GTF2F2: variants seen among roughly 807,000 people sequenced by gnomAD.
GTF2F2 encodes general transcription factor IIF subunit 2.
In GTF2F2, 23 loss-of-function variants were observed where a neutral mutation model predicts 42.2. The ratio of observed to expected loss-of-function variants is 0.55; its 90% confidence interval spans 0.39 to 0.77. GTF2F2 has a LOEUF of 0.77. Ranked by LOEUF, GTF2F2 falls within the 30% of genes least tolerant of loss-of-function variation. The pLI, the probability that GTF2F2 is intolerant of heterozygous loss-of-function variation, is 0.00. For missense variants in GTF2F2, 261 were observed against 287.2 expected (o/e 0.91, Z 0.66); for synonymous variants, 105 against 100.8 (o/e 1.04, Z -0.25).
At chr13:45,267,533 G>T (rs1000777909) in intron 7 of GTF2F2, among the ~76,000 whole-genome samples, 157 bp downstream of exon 7, 1 of 151,944 alleles carries the variant, frequency 6.6e-6, no homozygotes, top group African/African-American at 2.4e-5. Flanking sequence ...AGCCATTTTT[G>T]GTAACATCAG....
chr13:45,204,387 T>C (rs1873336170), intron 4 of GTF2F2, among the ~76,000 whole-genome samples: 1 of 152,204 alleles, frequency 6.6e-6, no homozygotes, highest in African/African-American at 2.4e-5. Flanking sequence ...CAGTAAATAG[T>C]TAAGAAATGT....
At chr13:45,264,618 C>T (rs1876489757) in intron 6 of GTF2F2, among the ~76,000 whole-genome samples, 1 of 152,112 alleles carries the variant, frequency 6.6e-6, no homozygotes, top group Admixed American at 6.6e-5. Flanking sequence ...TTTCTTACTA[C>T]TCATTAATGT....
intron 5 of GTF2F2, among the ~76,000 whole-genome samples, chr13:45,227,475 T>C (rs963696519): frequency 1.3e-5 from 2 of 152,206 alleles, no homozygotes; most frequent in Non-Finnish European, 1.5e-5. Flanking sequence ...CATATACATA[T>C]GTGAAAACAT....
At chr13:45,234,864 G>A (rs9534073) in intron 5 of GTF2F2, among the ~76,000 whole-genome samples, 42,293 of 151,664 alleles carry the variant, frequency 0.28, 6,897 homozygotes, top group African/African-American at 0.43. Context: ...TGACCAACAT[G>A]GAGCAACCCC....
chr13:45,215,577 T>C (rs1278217165), intron 5 of GTF2F2, among the ~76,000 whole-genome samples: 5 of 151,848 alleles, frequency 3.3e-5, no homozygotes. Flanking sequence ...CTGGCCAACA[T>C]GGTGAAACCC....
chr13:45,204,153 T>C (rs561102063), intron 4 of GTF2F2, among the ~76,000 whole-genome samples: 134 of 152,354 alleles, frequency 8.8e-4, no homozygotes, highest in African/African-American at 3.0e-3. Context: ...TTTAAGCTTA[T>C]TTTTAATTGA....
At chr13:45,171,252 G>GT (rs1389188255) in intron 4 of GTF2F2, among the ~76,000 whole-genome samples, 3 of 151,690 alleles carry the variant, frequency 2.0e-5, no homozygotes, top group Non-Finnish European at 4.4e-5. Flanking sequence ...TAACTTTTCT[G>GT]TTTTTTAGTA....
intron 1 of GTF2F2, among the ~76,000 whole-genome samples, chr13:45,129,249 C>T (rs1869209760): frequency 6.6e-6 from 1 of 152,208 alleles, no homozygotes; most frequent in African/African-American, 2.4e-5. Flanking sequence ...TACACTGTCA[C>T]CCAGGCTGGA....
Position 45,212,451 on chromosome 13 carries a change from C to CTTTCTTTTCTTTTCT in GTF2F2, c.386+4953_386+4954insTCTTTTCTTTTCTTT, listed in dbSNP as rs774118000. Among the ~76,000 whole-genome samples, 114 of 71,706 alleles carry CTTTCTTTTCTTTTCT rather than the reference C, an allele frequency of 1.6e-3. 2 individuals are homozygous for CTTTCTTTTCTTTTCT. Among genetic ancestry groups the CTTTCTTTTCTTTTCT allele is most frequent in the Non-Finnish European group, 2.2e-3 (78 of 35,090 alleles). The allele number at this position is 71,706 out of a possible 152,430, so 47.0% of individuals were successfully genotyped here. A position where few individuals can be genotyped will look rare whatever the true frequency, so the allele number is the denominator to read the frequency against. ...TTCTTTCTTTCTTTCTTTCTTGTTT[C>CTTTCTTTTCTTTTCT]TTTCTTTCTTTCTTTCTTTCTTTCT... On this transcript the variant is annotated intron_variant, in intron 5 of 7. Coordinates refer to ENST00000340473, the MANE Select transcript of GTF2F2 (RefSeq NM_004128.3).
At chr13:45,156,289 A>G (rs1264097891) in intron 4 of GTF2F2, among the ~76,000 whole-genome samples, 1 of 152,234 alleles carries the variant, frequency 6.6e-6, no homozygotes, top group Non-Finnish European at 1.5e-5. Context: ...AAGCATGTGT[A>G]CTTTGCCTGA....
At chr13:45,192,732 A>T (rs1489093897) in intron 4 of GTF2F2, 1 of 152,228 alleles carries the variant, frequency 6.6e-6, no homozygotes. Flanking sequence ...TAACTCACTG[A>T]GTCTGAGATT....
At chr13:45,195,003 A>G (rs1049900118) in intron 4 of GTF2F2, among the ~76,000 whole-genome samples, 29 of 152,232 alleles carry the variant, frequency 1.9e-4, no homozygotes, top group Admixed American at 1.9e-3. Flanking sequence ...CATCTTTTGG[A>G]AAATAATGTA....
intron 4 of GTF2F2, among the ~76,000 whole-genome samples, chr13:45,176,650 T>C (rs1871890610): frequency 1.3e-5 from 2 of 152,338 alleles, no homozygotes; most frequent in South Asian, 4.1e-4. Context: ...GTCTTGTCTT[T>C]GTGGCTTGTG....
At chr13:45,188,009 G>A (rs1872494695) in intron 4 of GTF2F2, among the ~76,000 whole-genome samples, 2 of 152,094 alleles carry the variant, frequency 1.3e-5, no homozygotes, top group African/African-American at 4.8e-5. Context: ...GGGTTCTAGC[G>A]ATTCTCATGC....
intron 5 of GTF2F2, among the ~76,000 whole-genome samples, chr13:45,221,766 G>A (rs1475962922): frequency 6.6e-6 from 1 of 151,890 alleles, no homozygotes; most frequent in Non-Finnish European, 1.5e-5. Flanking sequence ...GCATCATCTG[G>A]CCTTCAGAAC....
At chr13:45,205,121 T>C (rs1459426283) in intron 4 of GTF2F2, among the ~76,000 whole-genome samples, 1 of 152,168 alleles carries the variant, frequency 6.6e-6, no homozygotes, top group African/African-American at 2.4e-5. Context: ...GCTATATTAG[T>C]CCATTTTCAC....
chr13:45,234,840 G>A (rs1874872034), intron 5 of GTF2F2, among the ~76,000 whole-genome samples: 1 of 152,054 alleles, frequency 6.6e-6, no homozygotes, highest in Non-Finnish European at 1.5e-5. Flanking sequence ...GAGGTTGAGA[G>A]TTTGAGACCA....
At position 45,136,726 on chromosome 13, in the gene GTF2F2, GT is replaced by G. The variant is rs1244798726; in HGVS notation, c.67-3del. 2.6e-6 allele frequency: 4 copies of G among 1,523,394 alleles called. No homozygotes were observed. Among genetic ancestry groups the G allele is most frequent in the Non-Finnish European group, 3.6e-6 (4 of 1,102,548 alleles). The allele number at this position is 1,523,394 out of a possible 1,614,324, so 94.4% of individuals were successfully genotyped here. On this transcript the variant is annotated splice_polypyrimidine_tract_variant and splice_region_variant and intron_variant, in intron 1 of 7. Coordinates refer to ENST00000340473, the MANE Select transcript of GTF2F2 (RefSeq NM_004128.3). ...AATAGACTTATTAGTGTTTTACTTT[GT>G]TTTAGGTTCCTAAATATTTGTCACA...
At chr13:45,253,688 A>C (rs1249888291) in intron 6 of GTF2F2, among the ~76,000 whole-genome samples, 1 of 152,240 alleles carries the variant, frequency 6.6e-6, no homozygotes, top group Non-Finnish European at 1.5e-5. Flanking sequence ...GATGTGAGTC[A>C]TTCCTTTGTC....
Sources: gnomAD v4.1 joint callset for allele counts (sites outside exome capture counted in the v4.1 genomes callset) on GRCh38, gnomAD v4.1.1 for gene constraint, MANE v1.5 for transcripts, NCBI Gene and HGNC (gene_info 2026-07-23, HGNC 2026-07-21) for gene names.